TMEM117: variants seen among roughly 807,000 people sequenced by gnomAD.
The protein encoded by TMEM117 is transmembrane protein 117.
In TMEM117, 27 loss-of-function variants were observed where a neutral mutation model predicts 52.4. The ratio of observed to expected loss-of-function variants is 0.51; its 90% CI spans 0.38 to 0.71. TMEM117 has a LOEUF of 0.71. TMEM117 is among the 30% of genes least tolerant of loss of function. The probability of loss-of-function intolerance (pLI) is 0.00; values close to 1 mark genes in which losing one functional copy is unlikely to be tolerated. For missense variants in TMEM117, 556 were observed against 630.5 expected, an observed-to-expected ratio of 0.88 and a Z score of 1.26; for synonymous variants, 215 against 206.3, an observed-to-expected ratio of 1.04 and a Z score of -0.36.
At chr12:43,798,702 T>A in the TMEM117 span, 3 of 1,115,428 alleles carry the variant, frequency 2.7e-6, no homozygotes, top group Non-Finnish European at 2.5e-6. Flanking sequence ...GCTACCAGTT[T>A]AATATTAAAT....
At chr12:44,385,603 G>A (rs1234094622) in intron 7 of TMEM117, among the ~76,000 whole-genome samples, 4 of 151,994 alleles carry the variant, frequency 2.6e-5, no homozygotes, top group African/African-American at 7.3e-5. Context: ...TGTCTCAAAA[G>A]GAAAATAAAA....
chr12:44,044,426 G>A (rs1946849214), intron 3 of TMEM117, among the ~76,000 whole-genome samples: 1 of 152,202 alleles, frequency 6.6e-6, no homozygotes, highest in South Asian at 2.1e-4. Context: ...CAACCTGAAT[G>A]AACTGGGTGC....
Position 43,844,798 on chromosome 12 carries a change from C to T in TMEM117, c.147C>T (p.Asn49=), listed in dbSNP as rs1402584495. 1 of 1,614,026 alleles carries T rather than the reference C, an allele frequency of 6.2e-7. No individual in the cohort carries two copies. The highest frequency in any genetic ancestry group is 1.3e-5 in the African/African-American group (1 of 74,930). ...AAGCCAATGTTATTGTTGTTGGAAA[C>T]TGTTTTTCATTTGTTACAAATAAAT... is the stretch of plus-strand genomic sequence containing the variant. ...QTEANVIVVG[N]CFSFVTNKYP... Residue 49 remains asparagine, a synonymous_variant, in exon 2 of 8, where the codon AAC becomes AAT. Coordinates refer to ENST00000266534, the MANE Select transcript of TMEM117 (RefSeq NM_032256.3).
At chr12:43,862,200 G>A (rs1198077044) in intron 2 of TMEM117, among the ~76,000 whole-genome samples, 1 of 152,142 alleles carries the variant, frequency 6.6e-6, no homozygotes, top group East Asian at 1.9e-4. Context: ...ATGGAGTCTT[G>A]TTCCTTTGCC....
chr12:43,985,665 T>C (rs1478404384), intron 3 of TMEM117, among the ~76,000 whole-genome samples: 2 of 152,202 alleles, frequency 1.3e-5, no homozygotes, highest in East Asian at 1.9e-4. Flanking sequence ...TAGTGTCAGA[T>C]ATGTTAATAA....
Position 44,093,014 on chromosome 12 carries a change from A to G in TMEM117, c.411-50511A>G, listed in dbSNP as rs73288011. ...AAGCAGTGACATTTAAGTTGCAAAC[A>G]TAAGGATAGAAATTAGACTGAAATG... On this transcript the variant is annotated intron_variant, in intron 3 of 7. Coordinates refer to ENST00000266534, the MANE Select transcript of TMEM117 (RefSeq NM_032256.3). Among the ~76,000 whole-genome samples the G allele has an allele frequency of 5.0e-3, 760 of 152,120 alleles. 6 individuals carry two copies. Among genetic ancestry groups the G allele is most frequent in the African/African-American group, 0.017 (720 of 41,432 alleles).
At chr12:43,950,115 T>A (rs1008296993) in intron 3 of TMEM117, among the ~76,000 whole-genome samples, 1 of 152,202 alleles carries the variant, frequency 6.6e-6, no homozygotes, top group African/African-American at 2.4e-5. Flanking sequence ...GAACCAATAC[T>A]CTGATTTGCT....
intron 6 of TMEM117, among the ~76,000 whole-genome samples, chr12:44,316,544 A>G (rs4307772): frequency 0.048 from 7,315 of 152,224 alleles, 363 homozygotes; most frequent in African/African-American, 0.12. Context: ...TGGGCAGTTT[A>G]ATGACTATAT....
chr12:44,141,154 A>C (rs1179943182), intron 3 of TMEM117, among the ~76,000 whole-genome samples: 1 of 152,174 alleles, frequency 6.6e-6, no homozygotes, highest in African/African-American at 2.4e-5. Context: ...CAAATTGTAT[A>C]CACATGTACA....
chr12:43,961,766 C>T (rs909176775), intron 3 of TMEM117, among the ~76,000 whole-genome samples: 4 of 151,990 alleles, frequency 2.6e-5, no homozygotes, highest in Admixed American at 2.0e-4. Context: ...AGAGCCCATA[C>T]GATAATGAAT....
chr12:43,857,006 T>A (rs1943412225), intron 2 of TMEM117, among the ~76,000 whole-genome samples: 1 of 152,140 alleles, frequency 6.6e-6, no homozygotes, highest in Admixed American at 6.5e-5. Context: ...TGTGTTCCTG[T>A]TATGTTCTCT....
chr12:44,138,112 G>A (rs971950249), intron 3 of TMEM117, among the ~76,000 whole-genome samples: 36 of 152,092 alleles, frequency 2.4e-4, no homozygotes, highest in African/African-American at 8.2e-4. Context: ...GGGGGTATGG[G>A]GTGGGTTGCA....
chr12:44,033,396 T>C (rs1946663061), intron 3 of TMEM117, among the ~76,000 whole-genome samples: 1 of 152,182 alleles, frequency 6.6e-6, no homozygotes, highest in Non-Finnish European at 1.5e-5. Flanking sequence ...CACTCTGAAT[T>C]CTTTCTTGCA....
chr12:44,059,435 T>C (rs952205204), intron 3 of TMEM117, among the ~76,000 whole-genome samples: 4 of 152,222 alleles, frequency 2.6e-5, no homozygotes, highest in African/African-American at 9.6e-5. Context: ...TTGAGAGAAT[T>C]CTGCCAACAT....
intron 2 of TMEM117, among the ~76,000 whole-genome samples, chr12:43,927,351 C>T (rs1367808247): frequency 6.6e-6 from 1 of 151,776 alleles, no homozygotes; most frequent in East Asian, 1.9e-4. Flanking sequence ...TATGTGTTCT[C>T]TAATTGTTGC....
At chr12:44,107,584 A>G (rs1023319591) in intron 3 of TMEM117, among the ~76,000 whole-genome samples, 1 of 152,150 alleles carries the variant, frequency 6.6e-6, no homozygotes, top group Non-Finnish European at 1.5e-5. Flanking sequence ...AAATTAACAT[A>G]TAGTAATGAA....
At chr12:43,847,612 G>T (rs1476149524) in intron 2 of TMEM117, among the ~76,000 whole-genome samples, 1 of 152,208 alleles carries the variant, frequency 6.6e-6, no homozygotes, top group African/African-American at 2.4e-5. Flanking sequence ...TACCAATCTG[G>T]ATTGTTGAGC....
chr12:43,886,457 G>C (rs569197759), intron 2 of TMEM117, among the ~76,000 whole-genome samples: 1 of 152,244 alleles, frequency 6.6e-6, no homozygotes, highest in East Asian at 1.9e-4. Flanking sequence ...AGTGGAGTGG[G>C]GATAGAAGTC....
At chr12:44,216,347 T>C (rs916609016) in intron 5 of TMEM117, among the ~76,000 whole-genome samples, 6 of 152,106 alleles carry the variant, frequency 3.9e-5, no homozygotes, top group African/African-American at 1.4e-4. Flanking sequence ...GAAGCCTGTG[T>C]CTAGCTGGAG....
Sources: gnomAD v4.1 joint callset for allele counts (sites outside exome capture counted in the v4.1 genomes callset) on GRCh38, gnomAD v4.1.1 for gene constraint, MANE v1.5 for transcripts, NCBI Gene and HGNC (gene_info 2026-07-23, HGNC 2026-07-21) for gene names.